The following LINS1 variants were observed in gnomAD, a reference collection of about 807,000 sequenced individuals.
The protein encoded by LINS1 is protein Lines homolog 1.
A neutral mutation model predicts 41.6 loss-of-function variants in LINS1; 27 were observed. That is an observed-to-expected ratio of 0.65 (90% CI 0.48 to 0.89). LINS1 has a LOEUF of 0.89. LINS1 is among the 40% of genes least tolerant of loss of function. The pLI is 0.00. For synonymous variants in LINS1, 336 were observed against 312.9 expected (o/e 1.07, Z -0.78); for missense variants, 955 against 884.1 (o/e 1.08, Z -1.02).
intron 1 of LINS1, among the ~76,000 whole-genome samples, chr15:100,595,842 T>C (rs1335711698): frequency 1.3e-5 from 2 of 152,334 alleles, no homozygotes; most frequent in East Asian, 3.9e-4. Flanking sequence ...GAAGATGCAG[T>C]GACAACTGTC....
intron 5 of LINS1, 94 bp from the exon 6 acceptor site, chr15:100,572,159 A>C: frequency 5.8e-6 from 9 of 1,552,722 alleles, no homozygotes; most frequent in Non-Finnish European, 7.8e-6. Flanking sequence ...AAAGTACCTT[A>C]AGATGCAATT....
intron 1 of LINS1, among the ~76,000 whole-genome samples, chr15:100,597,859 G>C (rs769405954): frequency 2.0e-5 from 3 of 152,194 alleles, no homozygotes; most frequent in Non-Finnish European, 4.4e-5. Context: ...TTTTTCAATT[G>C]ATAAAACGAG....
chr15:100,582,278 C>T (rs965300792), intron 1 of LINS1, among the ~76,000 whole-genome samples: 1 of 145,880 alleles, frequency 6.9e-6, no homozygotes, highest in African/African-American at 2.5e-5. Context: ...AAGTCTTGGT[C>T]TTACACTGGG....
chr15:100,592,308 A>T (rs974612549), intron 1 of LINS1, among the ~76,000 whole-genome samples: 9 of 152,148 alleles, frequency 5.9e-5, no homozygotes, highest in African/African-American at 1.9e-4. Context: ...TTCTTTGTTC[A>T]AGACGCCAAG....
intron 1 of LINS1, among the ~76,000 whole-genome samples, chr15:100,593,560 G>C (rs1368684439): frequency 1.0e-4 from 2 of 19,806 alleles, no homozygotes; most frequent in African/African-American, 4.6e-4. Flanking sequence ...ACAACTTTAT[G>C]GGGGGGGGGG....
intron 5 of LINS1, chr15:100,573,399 C>T (rs1269800570): frequency 2.4e-6 from 3 of 1,244,682 alleles, no homozygotes; most frequent in African/African-American, 1.6e-5. Context: ...TGAGATGACT[C>T]AACAGCAACT....
chr15:100,572,334 C>T (rs1468064226), intron 5 of LINS1: 1 of 1,229,738 alleles, frequency 8.1e-7, no homozygotes, highest in East Asian at 4.6e-5. Flanking sequence ...ACAACTGTCT[C>T]TTAGAAATAA....
At chr15:100,574,962 G>A in intron 4 of LINS1, 25 bp downstream of exon 4, 1 of 1,609,136 alleles carries the variant, frequency 6.2e-7, no homozygotes, top group Non-Finnish European at 8.5e-7. Flanking sequence ...GATGATGATT[G>A]TTTATGGGGC....
chr15:100,572,169 T>C (rs1007937999), intron 5 of LINS1, 104 bp from the exon 6 acceptor site: 1 of 1,540,716 alleles, frequency 6.5e-7, no homozygotes, highest in Admixed American at 2.0e-5. Context: ...AAGATGCAAT[T>C]ATCCTAATTC....
In LINS1 at chr15:100,573,763, T is replaced by C. The variant is rs1425332714; in HGVS notation, c.1110A>G (p.Glu370=). 6.2e-6 allele frequency: 10 copies of C among 1,613,450 alleles called. No homozygotes were observed. Among genetic ancestry groups the C allele is most frequent in the Admixed American group, 1.7e-5 (1 of 60,010 alleles). The change falls in exon 5 of 7, where the codon GAA becomes GAG. Residue 370 remains glutamate, a synonymous_variant. Coordinates refer to ENST00000314742, the MANE Select transcript of LINS1 (RefSeq NM_001040616.3). ...GATCTGGACTAGTGATAAGTTCACA[T>C]TCAGGTTGAACTTCATCACCTCCAA... The part of the protein sequence containing the change: ...SFFGGDEVQP[E]CELITSPDHV...
chr15:100,570,771 GC>G (rs1156649931), intron 6 of LINS1: 1 of 152,134 alleles, frequency 6.6e-6, no homozygotes, highest in Admixed American at 6.6e-5. Context: ...CCAGTTATGA[GC>G]CAATAAATGC....
chr15:100,593,260 A>C (rs2039113857), intron 1 of LINS1, among the ~76,000 whole-genome samples: 1 of 152,170 alleles, frequency 6.6e-6, no homozygotes, highest in South Asian at 2.1e-4. Flanking sequence ...TAAGTGAAGG[A>C]GCAGTGATTC....
At chr15:100,591,484 C>T (rs7177342) in intron 1 of LINS1, among the ~76,000 whole-genome samples, 98,980 of 152,102 alleles carry the variant, frequency 0.65, 33,209 homozygotes, top group Non-Finnish European at 0.74. Flanking sequence ...TTATGGAAGG[C>T]CATTGTTTTG....
rs763921494 is a variant in LINS1, at chr15:100,574,019, T to A, written c.854A>T (p.Glu285Val). The A allele has an allele frequency of 6.8e-6, 11 of 1,614,050 alleles. No individual in the cohort carries two copies. The highest frequency in any genetic ancestry group is 8.5e-6 in the Non-Finnish European group (10 of 1,179,928). ...AGCCTGAATAGGCCAGGTAATAACT[T>A]CTAGCATGCAAGATGGTTTCAAAAA... ...ILFLKPSCML[E>V]VITWPIQAFV... The change falls in exon 5 of 7, where the codon GAA becomes GTA. Residue 285 changes from glutamate (E) to valine (V), a missense_variant. Coordinates refer to ENST00000314742, the MANE Select transcript of LINS1 (RefSeq NM_001040616.3).
intron 1 of LINS1, among the ~76,000 whole-genome samples, chr15:100,592,155 C>G (rs994361579): frequency 2.6e-5 from 4 of 152,182 alleles, no homozygotes; most frequent in African/African-American, 9.7e-5. Flanking sequence ...AATTCTGTAA[C>G]GGGGCTCTTG....
In LINS1 at chr15:100,567,827, A is replaced by G. The variant is rs2037610584; in HGVS notation, c.*1411T>C. On this transcript the variant is annotated 3_prime_UTR_variant, in exon 7 of 7. Coordinates refer to ENST00000314742, the MANE Select transcript of LINS1 (RefSeq NM_001040616.3). ...TGGCTAACACTGGTACTTCGCTGTTATTTTAATCGGCAACCTTCTATTTAG... is the reference window on the plus strand; with the variant it reads ...TGGCTAACACTGGTACTTCGCTGTTGTTTTAATCGGCAACCTTCTATTTAG... 6.6e-6 allele frequency: 1 copy of G among 152,196 alleles called. No homozygotes were observed. Among genetic ancestry groups the G allele is most frequent in the Non-Finnish European group, 1.5e-5 (1 of 68,020 alleles). The allele number at this position is 152,196 out of a possible 1,614,324, so 9.4% of individuals were successfully genotyped here. A position where few individuals can be genotyped will look rare whatever the true frequency, so the allele number is the denominator to read the frequency against.
At chr15:100,576,382 G>GAAT (rs1396972578) in intron 3 of LINS1, among the ~76,000 whole-genome samples, 2 of 152,160 alleles carry the variant, frequency 1.3e-5, no homozygotes, top group African/African-American at 2.4e-5. Context: ...TACCATCAGA[G>GAAT]AATACTATAA....
intron 1 of LINS1, among the ~76,000 whole-genome samples, chr15:100,594,759 C>G (rs973931064): frequency 3.3e-5 from 5 of 152,154 alleles, no homozygotes; most frequent in African/African-American, 1.2e-4. Flanking sequence ...GCTGGTTCCC[C>G]CTGGCAGCCA....
Position 100,573,769 on chromosome 15 carries a change from T to G in LINS1, c.1104A>C (p.Gln368His), listed in dbSNP as rs1371384129. ...GACTAGTGATAAGTTCACATTCAGGTTGAACTTCATCACCTCCAAAAAAGG... is the reference window on the plus strand; with the variant it reads ...GACTAGTGATAAGTTCACATTCAGGGTGAACTTCATCACCTCCAAAAAAGG... Reference protein sequence around the residue: ...KHSFFGGDEVQPECELITSPD... With the variant: ...KHSFFGGDEVHPECELITSPD... The change falls in exon 5 of 7, where the codon CAA becomes CAC. Residue 368 changes from glutamine to histidine, a missense_variant. Transcript: ENST00000314742. 1.9e-6 allele frequency: 3 copies of G among 1,613,936 alleles called. No individual in the cohort carries two copies. Among genetic ancestry groups the G allele is most frequent in the South Asian group, 1.1e-5 (1 of 91,082 alleles).
Sources: gnomAD v4.1 joint callset for allele counts (sites outside exome capture counted in the v4.1 genomes callset) on GRCh38, gnomAD v4.1.1 for gene constraint, MANE v1.5 for transcripts, NCBI Gene and HGNC (gene_info 2026-07-23, HGNC 2026-07-21) for gene names.